Variants in EHMT2 observed in about 807,000 individuals in gnomAD.
EHMT2 encodes the protein euchromatic histone lysine methyltransferase 2, also known as histone-lysine N-methyltransferase EHMT2.
A neutral mutation model predicts 143.3 loss-of-function variants in EHMT2; 59 were observed. The observed-to-expected ratio is 0.41, with a 90% CI of 0.33 to 0.51. The LOEUF (loss-of-function observed/expected upper bound fraction) is 0.51. Among genes scored for constraint, EHMT2 ranks in the 20% least tolerant of loss-of-function variants. The pLI, the probability that EHMT2 is intolerant of heterozygous loss-of-function variation, is 0.18. For missense variants in EHMT2, 1,174 were observed against 1,645.9 expected, an observed-to-expected ratio of 0.71 and a Z score of 4.96; for synonymous variants, 604 against 651.5, an observed-to-expected ratio of 0.93 and a Z score of 1.11.
At chr6:31,882,578 G>C in intron 25 of EHMT2, 121 bp downstream of exon 25, 2 of 990,716 alleles carry the variant, frequency 2.0e-6, no homozygotes, top group Admixed American at 2.1e-5. Flanking sequence ...AGGCTGGCTG[G>C]AGAGTGGCCA....
At chr6:31,896,889 C>A in intron 2 of EHMT2, 34 bp downstream of exon 2, 1 of 1,611,264 alleles carries the variant, frequency 6.2e-7, no homozygotes, top group Non-Finnish European at 8.5e-7. Context: ...GGGAAGGTGA[C>A]GGTCCAATTG....
At chr6:31,892,803 C>CGGGG in intron 5 of EHMT2, 23 bp downstream of exon 5, 1 of 1,612,026 alleles carries the variant, frequency 6.2e-7, no homozygotes, top group Non-Finnish European at 8.5e-7. Context: ...ATCAAGCCAC[C>CGGGG]GGGGGTGGGG....
chr6:31,882,924 C>A, exon 24 of EHMT2: 1 of 1,612,982 alleles, frequency 6.2e-7, no homozygotes. Flanking sequence ...CCGGTTCTTG[C>A]AGTTTCTCCA....
chr6:31,897,686 G>A (rs985612316), upstream of EHMT2: 5 of 1,110,452 alleles, frequency 4.5e-6, no homozygotes, highest in Admixed American at 9.2e-5. Flanking sequence ...ATCGCCGCTT[G>A]CGCTGGGGGC....
rs547345198 is a variant in EHMT2 at position 31,880,901 on chromosome 6, C to G, written c.3277-53G>C. On this transcript the variant is annotated intron_variant, in intron 26 of 27. Coordinates refer to ENST00000375537, the Ensembl canonical transcript of EHMT2. The surrounding 1 kb of genome is among the most constrained non-coding windows in gnomAD (Gnocchi z 6.6). The stretch of plus-strand genomic sequence containing the variant: ...ATCTCCCCCGACCCTGCTTGCCCTC[C>G]CCACCCACTGACTCCCCAGTCCCTC... 1,004 of 1,609,480 alleles carry G rather than the reference C, an allele frequency of 6.2e-4. 4 individuals are homozygous for G. In the African/African-American group the frequency reaches 7.5e-3, roughly 12 times the overall value.
chr6:31,886,749 C>T (rs754382608), intron 17 of EHMT2, 26 bp downstream of exon 17: 1 of 1,614,104 alleles, frequency 6.2e-7, no homozygotes, highest in South Asian at 1.1e-5. Flanking sequence ...ACTCCGGGGG[C>T]CACGCCCTGC....
chr6:31,887,506 G>A, intron 15 of EHMT2, 71 bp downstream of exon 15: 1 of 1,377,870 alleles, frequency 7.3e-7, no homozygotes. Flanking sequence ...TGTACTCCTG[G>A]CCCTGTACCC....
Position 31,880,781 on chromosome 6 carries a change from C to T in EHMT2, c.3344G>A (p.Cys1115Tyr). 1 of 1,613,940 alleles carries T rather than the reference C, an allele frequency of 6.2e-7. No individual in the cohort carries two copies. Among genetic ancestry groups the T allele is most frequent in the Non-Finnish European group, 8.5e-7 (1 of 1,180,010 alleles). The change falls in exon 27 of 28, where the codon TGT becomes TAT. Residue 1115 changes from cysteine (C) to tyrosine (Y), a missense_variant. Physicochemically the swap from Cys to Tyr is radical, Grantham distance 194. Around this residue, in one of 6 missense-constraint regions of EHMT2, gnomAD observed 44 missense variants for 113.5 expected, o/e 0.39. Transcript: ENST00000375537. This position sits in a 1 kb window ranked among gnomAD's most constrained non-coding sequence, Gnocchi z 6.6. ...CCGGACGGGAATGATGTTGGGGTCA[C>T]ACAGGTGGTTGATGAAGCGGCTGAT...
chr6:31,881,402 C>G lies in EHMT2; in HGVS notation c.3198-310G>C. 1 of 501,242 alleles carries G rather than the reference C, an allele frequency of 2.0e-6. No individual in the cohort carries two copies. The allele number at this position is 501,242 out of a possible 1,614,324, so 31.0% of individuals were successfully genotyped here. On this transcript the variant is annotated intron_variant, in intron 25 of 27. Coordinates refer to ENST00000375537, the Ensembl canonical transcript of EHMT2. The surrounding 1 kb of genome is among the most constrained non-coding windows in gnomAD (Gnocchi z 4.8). Reference sequence around the variant, plus strand: ...AGAGAGGTTTGTGTTCCAGGAGCCACCCGGCAGGAATGGGCGATATGGAAC... The same window carrying G: ...AGAGAGGTTTGTGTTCCAGGAGCCAGCCGGCAGGAATGGGCGATATGGAAC...
intron 7 of EHMT2, 102 bp downstream of exon 7, chr6:31,892,305 A>G (rs1765790898): frequency 7.3e-7 from 1 of 1,362,940 alleles, no homozygotes; most frequent in Non-Finnish European, 1.0e-6. Flanking sequence ...TTCAGAAGAT[A>G]AAAAGGACAG....
chr6:31,893,125 C>A, intron 4 of EHMT2: 1 of 554,060 alleles, frequency 1.8e-6, no homozygotes. Flanking sequence ...CCATGCAGAG[C>A]AGGCCCTTTT....
At chr6:31,890,248 C>CAA (rs35241368) in intron 7 of EHMT2, among the ~76,000 whole-genome samples, 3 of 143,426 alleles carry the variant, frequency 2.1e-5, no homozygotes, top group Non-Finnish European at 4.6e-5. Context: ...AAATAAATGG[C>CAA]AAAAAAAAAA....
In EHMT2 at chr6:31,883,298, T is replaced by G. The variant is rs1324826699; in HGVS notation, c.2994+64A>C. ...GGGACATGGTCCCAGGGAGCTGGTT[T>G]ATTGGAGGCTGGCTCCTCTGAAGGA... On this transcript the variant is annotated intron_variant, in intron 23 of 27. Transcript: ENST00000375537. The surrounding 1 kb of genome is among the most constrained non-coding windows in gnomAD (Gnocchi z 5.6). 1 of 1,525,108 alleles carries G rather than the reference T, an allele frequency of 6.6e-7. No individual in the cohort carries two copies. The highest frequency in any genetic ancestry group is 1.4e-5 in the African/African-American group (1 of 73,054). 94.5% of individuals were successfully genotyped at this position (1,525,108 alleles called of 1,614,324 possible). A position where few individuals can be genotyped will look rare whatever the true frequency, so the allele number is the denominator to read the frequency against.
chr6:31,881,170 A>G lies in EHMT2; in HGVS notation c.3198-78T>C. The G allele has an allele frequency of 7.9e-7, 1 of 1,269,078 alleles. No homozygotes were observed. The allele number at this position is 1,269,078 out of a possible 1,614,324, so 78.6% of individuals were successfully genotyped here. Reference sequence around the variant, plus strand: ...GGCTCCAGGCCCCATCTCTCTTCACAAGCCTGTGGAATCTGGAATGGGCAG... The same window carrying G: ...GGCTCCAGGCCCCATCTCTCTTCACGAGCCTGTGGAATCTGGAATGGGCAG... On this transcript the variant is annotated intron_variant, in intron 25 of 27. Coordinates refer to ENST00000375537, the Ensembl canonical transcript of EHMT2. The surrounding 1 kb of genome is among the most constrained non-coding windows in gnomAD (Gnocchi z 4.8).
chr6:31,890,248 C>CA (rs35241368), intron 7 of EHMT2, among the ~76,000 whole-genome samples: 4,576 of 143,418 alleles, frequency 0.032, 74 homozygotes, highest in Middle Eastern at 0.047. Context: ...AAATAAATGG[C>CA]AAAAAAAAAA....
chr6:31,889,469 C>G lies in EHMT2; in HGVS notation c.998G>C (p.Arg333Thr), dbSNP rs1765396240. 6.2e-7 allele frequency: 1 copy of G among 1,612,732 alleles called. No homozygotes were observed. The highest frequency in any genetic ancestry group is 1.1e-5 in the South Asian group (1 of 91,066). ...GAGATATCAGCCTCCGTCTCTTACC[C>G]TATCTGACTGATTCCCTGACTCCTC... Residue 333 changes from arginine (R) to threonine (T), a missense_variant and splice_region_variant, in exon 8 of 28, where the codon AGG (arginine) becomes ACG (threonine). This residue lies in a region of EHMT2 where 608 missense variants were observed against 903.7 expected (regional missense o/e 0.67). Transcript: ENST00000375537. The surrounding 1 kb of genome is among the most constrained non-coding windows in gnomAD (Gnocchi z 5.1).
rs753317005 is a variant in EHMT2, at chr6:31,897,072, G to C, written c.43-83C>G. On this transcript the variant is annotated intron_variant, in intron 1 of 27. Transcript: ENST00000375537. ...CCAGGATGCCTGGGCCCTGGGAAGA[G>C]AGAGTAGGCTCCGGGGCCTACCTCT... The C allele has an allele frequency of 5.3e-6, 8 of 1,497,222 alleles. No homozygotes were observed. The East Asian group carries it at 7.2e-5, about 14-fold the overall frequency. The allele number at this position is 1,497,222 out of a possible 1,614,324, so 92.7% of individuals were successfully genotyped here.
chr6:31,890,301 G>C (rs915801637), intron 7 of EHMT2, among the ~76,000 whole-genome samples: 1 of 152,002 alleles, frequency 6.6e-6, no homozygotes, highest in African/African-American at 2.4e-5. Context: ...TTGTTGCCCA[G>C]GCTGCATTGC....
chr6:31,882,902 A>C, exon 24 of EHMT2: 1 of 1,612,728 alleles, frequency 6.2e-7, no homozygotes, highest in Non-Finnish European at 8.5e-7. Context: ...ACTTGATGCC[A>C]CTCTGTACGA....
Sources: gnomAD v4.1 joint callset for allele counts (sites outside exome capture counted in the v4.1 genomes callset) on GRCh38, gnomAD v4.1.1 for gene constraint, gnomAD v4.1.1 regional missense constraint, Gnocchi (gnomAD v3.1) non-coding constraint, MANE v1.5 for transcripts, NCBI Gene and HGNC (gene_info 2026-07-23, HGNC 2026-07-21) for gene names.